ABCG1: variants seen among roughly 807,000 people sequenced by gnomAD.
ABCG1 encodes the protein ATP-binding cassette sub-family G member 1.
In ABCG1, 29 loss-of-function variants were observed where a neutral mutation model predicts 69.2. The ratio of observed to expected loss-of-function variants is 0.42; its 90% CI spans 0.31 to 0.57. The LOEUF (loss-of-function observed/expected upper bound fraction) is 0.57, where lower values mean the gene tolerates loss of function less well. ABCG1 is among the 20% of genes least tolerant of loss of function. The pLI, the probability that ABCG1 is intolerant of heterozygous loss-of-function variation, is 0.15. For missense variants in ABCG1, 718 were observed against 898.1 expected, an observed-to-expected ratio of 0.80 and a Z score of 2.56; for synonymous variants, 370 against 374.8, an observed-to-expected ratio of 0.99 and a Z score of 0.15.
intron 13 of ABCG1, among the ~76,000 whole-genome samples, chr21:42,292,875 C>T (rs193246678): frequency 3.8e-5 from 5 of 132,914 alleles, no homozygotes; most frequent in Admixed American, 7.4e-5. Flanking sequence ...TACACACTAC[C>T]CACCACACAC....
intron 2 of ABCG1, among the ~76,000 whole-genome samples, chr21:42,249,607 A>G (rs1380874744): frequency 6.6e-6 from 1 of 152,226 alleles, no homozygotes; most frequent in East Asian, 1.9e-4. Context: ...GCGGCATAGT[A>G]GATCTATATA....
intron 1 of ABCG1, among the ~76,000 whole-genome samples, chr21:42,223,314 A>G (rs2067760486): frequency 6.6e-6 from 1 of 152,214 alleles, no homozygotes. Flanking sequence ...CTATTTCTGC[A>G]GAAAGATTTC....
intron 5 of ABCG1, among the ~76,000 whole-genome samples, chr21:42,279,835 A>G (rs1024307505): frequency 3.9e-5 from 6 of 152,112 alleles, no homozygotes; most frequent in Non-Finnish European, 7.4e-5. Flanking sequence ...CTTGGTGGAG[A>G]ATGGAGGCGC....
chr21:42,253,536 G>C (rs1381025541), intron 2 of ABCG1, among the ~76,000 whole-genome samples: 1 of 152,162 alleles, frequency 6.6e-6, no homozygotes, highest in Non-Finnish European at 1.5e-5. Context: ...CGATGCCATT[G>C]GACCCCCAGG....
Position 42,271,223 on chromosome 21 carries a change from C to G in ABCG1, c.404+36C>G, listed in dbSNP as rs201627396. 9 of 1,387,476 alleles carry G rather than the reference C, an allele frequency of 6.5e-6. No individual in the cohort carries two copies. The African/African-American group carries it at 1.2e-4, about 18-fold the overall frequency. 85.9% of individuals were successfully genotyped at this position (1,387,476 alleles called of 1,614,324 possible). A position where few individuals can be genotyped will look rare whatever the true frequency, so the allele number is the denominator to read the frequency against. On this transcript the variant is annotated intron_variant, in intron 3 of 14. Transcript: ENST00000398449. ...CTGCCCAGGGCGCAAAGTTCTCTCC[C>G]GGGTGTCAGGCCAGCAGTGGGAACA...
Position 42,219,881 on chromosome 21 carries a change from A to C in ABCG1, c.42+577A>C. On this transcript the variant is annotated intron_variant, in intron 1 of 14. Transcript: ENST00000398449. This position sits in a 1 kb window ranked among gnomAD's most constrained non-coding sequence, Gnocchi z 5.3. Reference sequence around the variant, plus strand: ...GGACCCACTCGGGGAGGCGGCGGCGAAGGCCCGGGGAGACCCGCGAGGGGC... The same window carrying C: ...GGACCCACTCGGGGAGGCGGCGGCGCAGGCCCGGGGAGACCCGCGAGGGGC... 1 of 1,541,492 alleles carries C rather than the reference A, an allele frequency of 6.5e-7. No individual in the cohort carries two copies. The highest frequency in any genetic ancestry group is 8.7e-7 in the Non-Finnish European group (1 of 1,144,106).
intron 5 of ABCG1, 98 bp from the exon 6 acceptor site, chr21:42,282,176 G>T: frequency 2.0e-6 from 3 of 1,516,688 alleles, no homozygotes; most frequent in Admixed American, 1.8e-5. Context: ...GGTGTGTCCA[G>T]CAGGCTGAGG....
upstream of ABCG1, among the ~76,000 whole-genome samples, chr21:42,218,508 G>A (rs2067667665): frequency 6.6e-6 from 1 of 152,146 alleles, no homozygotes; most frequent in South Asian, 2.1e-4. Flanking sequence ...GAGGGCAGAG[G>A]CCTGGGCATC....
chr21:42,263,600 A>G (rs1447979630), intron 2 of ABCG1, among the ~76,000 whole-genome samples: 1 of 152,244 alleles, frequency 6.6e-6, no homozygotes, highest in African/African-American at 2.4e-5. Flanking sequence ...AGAAGTGAAC[A>G]CAACAGGCAC....
At chr21:42,236,023 G>GT (rs1257273331) in intron 2 of ABCG1, among the ~76,000 whole-genome samples, 1 of 152,152 alleles carries the variant, frequency 6.6e-6, no homozygotes, top group African/African-American at 2.4e-5. Context: ...TGCTGGTTTT[G>GT]TTTTTAGCTG....
At chr21:42,257,527 A>G (rs1483104061) in intron 2 of ABCG1, among the ~76,000 whole-genome samples, 1 of 152,198 alleles carries the variant, frequency 6.6e-6, no homozygotes, top group East Asian at 1.9e-4. Flanking sequence ...TTCTTGTCCT[A>G]AAGCATGTTG....
intron 1 of ABCG1, among the ~76,000 whole-genome samples, chr21:42,220,774 T>G (rs2067713360): frequency 6.6e-6 from 1 of 152,272 alleles, no homozygotes; most frequent in South Asian, 2.1e-4. Flanking sequence ...CTTTTGCACT[T>G]GTTCATCTAT....
In ABCG1 at chr21:42,287,637, T is replaced by C. The variant is rs1052372254; in HGVS notation, c.974-252T>C. 1.3e-5 allele frequency among the ~76,000 whole-genome samples: 2 copies of C among 152,178 alleles called. No homozygotes were observed. Among genetic ancestry groups the C allele is most frequent in the Non-Finnish European group, 2.9e-5 (2 of 68,024 alleles). Reference sequence around the variant, plus strand: ...GCAGTCGGTAGATGCAGGAGCTCATTACTTCTCAGACCACTGACAGCACAG... The same window carrying C: ...GCAGTCGGTAGATGCAGGAGCTCATCACTTCTCAGACCACTGACAGCACAG... On this transcript the variant is annotated intron_variant, in intron 8 of 14. Coordinates refer to ENST00000398449, the MANE Select transcript of ABCG1 (RefSeq NM_016818.3). The surrounding 1 kb of genome is among the most constrained non-coding windows in gnomAD (Gnocchi z 6.2).
At chr21:42,200,375 T>A (rs9975740) in intron 1 of ABCG1, among the ~76,000 whole-genome samples, 28,166 of 152,094 alleles carry the variant, frequency 0.19, 2,893 homozygotes, top group African/African-American at 0.26. Flanking sequence ...CCTCTCAGCC[T>A]GTGAAGAAGA....
chr21:42,262,367 T>A (rs1385223344), intron 2 of ABCG1, among the ~76,000 whole-genome samples: 1 of 152,144 alleles, frequency 6.6e-6, no homozygotes, highest in African/African-American at 2.4e-5. Flanking sequence ...CAAGTGAAGA[T>A]CTCTTTGAAT....
upstream of ABCG1, among the ~76,000 whole-genome samples, chr21:42,211,345 T>C (rs2067587782): frequency 2.0e-5 from 3 of 152,134 alleles, no homozygotes; most frequent in Non-Finnish European, 4.4e-5. Flanking sequence ...CCCTCCCTGA[T>C]GACATGGTCT....
Position 42,296,782 on chromosome 21 carries a change from G to C in ABCG1, c.*390G>C, listed in dbSNP as rs1394698692. 1 of 259,374 alleles carries C rather than the reference G, an allele frequency of 3.9e-6. No homozygotes were observed. 16.1% of individuals were successfully genotyped at this position (259,374 alleles called of 1,614,324 possible). ...GGGAACTGCAAGCAGCCTCTCAGCT[G>C]ATGGCTGCACAGTCAGATGTCTGGT... On this transcript the variant is annotated 3_prime_UTR_variant, in exon 15 of 15. Coordinates refer to ENST00000398449, the MANE Select transcript of ABCG1 (RefSeq NM_016818.3). This position sits in a 1 kb window ranked among gnomAD's most constrained non-coding sequence, Gnocchi z 5.4.
Position 42,291,572 on chromosome 21 carries a change from G to A in ABCG1, c.1569G>A (p.Val523=), listed in dbSNP as rs371314247. 4.3e-6 allele frequency: 7 copies of A among 1,612,918 alleles called. No homozygotes were observed. Among genetic ancestry groups the A allele is most frequent in the Non-Finnish European group, 5.1e-6 (6 of 1,179,924 alleles). Residue 523 remains valine (V), a synonymous_variant, in exon 13 of 15, where the codon GTG becomes GTA. Transcript: ENST00000398449. The surrounding 1 kb of genome is among the most constrained non-coding windows in gnomAD (Gnocchi z 6.4). ...AGCCGTCCGACGCCGTGCGCTTTGT[G>A]CTGTTTGCCGCGCTGGGCACCATGA... ...TSQPSDAVRF[V]LFAALGTMTS... is the part of the protein sequence containing the mutation.
intron 1 of ABCG1, among the ~76,000 whole-genome samples, chr21:42,224,858 C>T (rs965481991): frequency 8.6e-5 from 13 of 151,912 alleles, no homozygotes; most frequent in East Asian, 7.7e-4. Flanking sequence ...AGTTACAGTT[C>T]GTTTGACTCC....
Sources: allele counts gnomAD v4.1 joint callset (sites outside exome capture counted in the v4.1 genomes callset), GRCh38; gene constraint gnomAD v4.1.1; non-coding constraint Gnocchi (gnomAD v3.1); transcripts MANE v1.5; gene names NCBI Gene and HGNC (gene_info 2026-07-23, HGNC 2026-07-21).